Variants in SELENOT observed in about 807,000 individuals in gnomAD.
SELENOT encodes selenoprotein T.
In SELENOT, 9 loss-of-function variants were observed where a neutral mutation model predicts 24.3. The observed-to-expected ratio is 0.37, with a 90% confidence interval of 0.22 to 0.65. The LOEUF (loss-of-function observed/expected upper bound fraction) is 0.65, where lower values mean the gene tolerates loss of function less well. Among genes scored for constraint, SELENOT ranks in the 30% least tolerant of loss-of-function variants. The pLI is 0.60. For missense variants in SELENOT, 166 were observed against 247.6 expected (o/e 0.67, Z 2.21); for synonymous variants, 81 against 86.0 (o/e 0.94, Z 0.32).
At chr3:150,603,566 G>T in intron 1 of SELENOT, 67 bp downstream of exon 1, 2 of 1,479,498 alleles carry the variant, frequency 1.4e-6, no homozygotes, top group Non-Finnish European at 1.8e-6. Flanking sequence ...GCTACGCGAG[G>T]CCCCGGCTTC....
chr3:150,605,492 G>C (rs555673517), intron 1 of SELENOT, among the ~76,000 whole-genome samples: 4 of 151,828 alleles, frequency 2.6e-5, no homozygotes, highest in Non-Finnish European at 5.9e-5. Flanking sequence ...TTGATACTTT[G>C]TTTTTCTTTG....
chr3:150,627,518 A>G (rs1726469456), intron 5 of SELENOT, 141 bp from the exon 6 acceptor site: 1 of 158,520 alleles, frequency 6.3e-6, no homozygotes, highest in Non-Finnish European at 1.4e-5. Flanking sequence ...AACATACTCA[A>G]GATAAAAAAT....
intron 1 of SELENOT, among the ~76,000 whole-genome samples, chr3:150,610,653 T>A (rs192560629): frequency 6.6e-6 from 1 of 152,364 alleles, no homozygotes; most frequent in East Asian, 1.9e-4. Context: ...CTTATAATTG[T>A]TCCCCAGGGT....
rs554877560 is a variant in SELENOT, at chr3:150,604,208, A to G, written c.137+709A>G. 3.3e-5 allele frequency among the ~76,000 whole-genome samples: 5 copies of G among 152,294 alleles called. No individual in the cohort carries two copies. The East Asian group carries it at 7.7e-4, about 23-fold the overall frequency. On this transcript the variant is annotated intron_variant, in intron 1 of 5. Transcript: ENST00000471696. ...CCTCCCAGGAGTTGCCTGCTCTGGC[A>G]TCTCTTTCTACCTTTCAGTTGTCTT...
chr3:150,611,850 C>T, intron 1 of SELENOT: 2 of 941,040 alleles, frequency 2.1e-6, no homozygotes, highest in African/African-American at 1.7e-5. Context: ...CTGCCGCCTC[C>T]CCACTGCCCA....
intron 4 of SELENOT, among the ~76,000 whole-genome samples, chr3:150,626,409 G>T (rs1726446180): frequency 1.3e-5 from 2 of 152,092 alleles, no homozygotes; most frequent in African/African-American, 2.4e-5. Flanking sequence ...CTTGTGTATT[G>T]TTACAGCTGC....
chr3:150,609,884 G>C (rs1426482289), intron 1 of SELENOT, among the ~76,000 whole-genome samples: 1 of 152,098 alleles, frequency 6.6e-6, no homozygotes, highest in Non-Finnish European at 1.5e-5. Flanking sequence ...CCTAGATTTT[G>C]TCATTAGGTT....
At chr3:150,608,588 C>T (rs954064622) in intron 1 of SELENOT, among the ~76,000 whole-genome samples, 13 of 151,772 alleles carry the variant, frequency 8.6e-5, no homozygotes, top group Admixed American at 2.6e-4. Context: ...GGCAACATAG[C>T]GAGACTTTGT....
Position 150,622,487 on chromosome 3 carries a change from A to C in SELENOT, c.240A>C (p.Pro80=). The C allele has an allele frequency of 2.1e-6, 3 of 1,422,760 alleles. No homozygotes were observed. The highest frequency in any genetic ancestry group is 2.8e-6 in the Non-Finnish European group (3 of 1,062,056). 88.1% of individuals were successfully genotyped at this position (1,422,760 alleles called of 1,614,324 possible). A position where few individuals can be genotyped will look rare whatever the true frequency, so the allele number is the denominator to read the frequency against. ...RIEGENYLPQ[P]IYRHIASFLS... Reference sequence around the variant, plus strand: ...AAGGAGAGAATTACCTCCCTCAACCAATATATAGGTAAGAAATTTTAATAA... The same window carrying C: ...AAGGAGAGAATTACCTCCCTCAACCCATATATAGGTAAGAAATTTTAATAA... The change falls in exon 2 of 6, where the codon CCA becomes CCC. Residue 80 remains proline (P), a synonymous_variant. Transcript: ENST00000471696.
At chr3:150,616,812 T>C (rs1726228156) in intron 1 of SELENOT, among the ~76,000 whole-genome samples, 1 of 152,262 alleles carries the variant, frequency 6.6e-6, no homozygotes, top group South Asian at 2.1e-4. Flanking sequence ...AGCTAATTTT[T>C]GTATTTCTTG....
At chr3:150,606,764 T>C (rs1034214728) in intron 1 of SELENOT, among the ~76,000 whole-genome samples, 5 of 152,102 alleles carry the variant, frequency 3.3e-5, no homozygotes, top group African/African-American at 1.2e-4. Context: ...GGCTAATTTT[T>C]GTATTTTTAG....
rs1351444061 is a variant in SELENOT, at chr3:150,622,474, A to G, written c.227A>G (p.Tyr76Cys). The G allele has an allele frequency of 6.7e-7, 1 of 1,482,636 alleles. No homozygotes were observed. Among genetic ancestry groups the G allele is most frequent in the Non-Finnish European group, 9.1e-7 (1 of 1,101,192 alleles). The allele number at this position is 1,482,636 out of a possible 1,614,324, so 91.8% of individuals were successfully genotyped here. ...YPDIRIEGENYLPQPIYRHIA... is the reference protein window; with the variant it reads ...YPDIRIEGENCLPQPIYRHIA... ...GACATCCGCATTGAAGGAGAGAATT[A>G]CCTCCCTCAACCAATATATAGGTAA... The change falls in exon 2 of 6, where the codon TAC (tyrosine) becomes TGC (cysteine). Residue 76 changes from tyrosine (Y) to cysteine (C), a missense_variant. Tyr to Cys is a radical substitution (Grantham distance 194, BLOSUM62 -2). Coordinates refer to ENST00000471696, the MANE Select transcript of SELENOT (RefSeq NM_016275.5).
chr3:150,617,793 CTG>C (rs1407494273), intron 1 of SELENOT, among the ~76,000 whole-genome samples: 1 of 146,770 alleles, frequency 6.8e-6, no homozygotes, highest in East Asian at 2.0e-4. Context: ...CAAAAAAAAA[CTG>C]AGCACGCTTT....
At chr3:150,603,602 T>A (rs1559894145) in intron 1 of SELENOT, 103 bp downstream of exon 1, 2 of 1,325,136 alleles carry the variant, frequency 1.5e-6, no homozygotes, top group South Asian at 1.5e-5. Context: ...GCATCTTCGC[T>A]GGCCTCGTAG....
intron 1 of SELENOT, among the ~76,000 whole-genome samples, chr3:150,619,785 A>G (rs1726299021): frequency 6.6e-6 from 1 of 152,194 alleles, no homozygotes; most frequent in Admixed American, 6.5e-5. Context: ...CCACCTTGGT[A>G]TGTTACATTT....
At chr3:150,618,700 T>C (rs1726271486) in intron 1 of SELENOT, 1 of 154,062 alleles carries the variant, frequency 6.5e-6, no homozygotes, top group Non-Finnish European at 1.5e-5. Flanking sequence ...TTTTTCTTTT[T>C]TTTTGTAGAG....
rs1400262669 is a variant in SELENOT at position 150,622,486 on chromosome 3, C to G, written c.239C>G (p.Pro80Arg). The change falls in exon 2 of 6, where the codon CCA becomes CGA. Residue 80 changes from proline to arginine, a missense_variant. Pro to Arg is a moderately radical substitution (Grantham distance 103, BLOSUM62 -2). Coordinates refer to ENST00000471696, the MANE Select transcript of SELENOT (RefSeq NM_016275.5). The part of the protein sequence containing the change: ...RIEGENYLPQ[P>R]IYRHIASFLS... ...GAAGGAGAGAATTACCTCCCTCAAC[C>G]AATATATAGGTAAGAAATTTTAATA... The G allele has an allele frequency of 6.9e-7, 1 of 1,452,536 alleles. No homozygotes were observed. Among genetic ancestry groups the G allele is most frequent in the African/African-American group, 1.4e-5 (1 of 70,376 alleles). 90.0% of individuals were successfully genotyped at this position (1,452,536 alleles called of 1,614,324 possible).
In SELENOT at chr3:150,603,469, C is replaced by T; in HGVS notation, c.107C>T (p.Ala36Val). 1 of 1,609,274 alleles carries T rather than the reference C, an allele frequency of 6.2e-7. No individual in the cohort carries two copies. Among genetic ancestry groups the T allele is most frequent in the South Asian group, 1.1e-5 (1 of 90,802 alleles). The change falls in exon 1 of 6, where the codon GCC (alanine) becomes GTC (valine). Residue 36 changes from alanine to valine, a missense_variant. Transcript: ENST00000471696. ...VPSKRLKMQYATGPLLKFQIC... is the reference protein window; with the variant it reads ...VPSKRLKMQYVTGPLLKFQIC... ...AGCAAGAGATTAAAGATGCAGTACG[C>T]CACGGGGCCGCTGCTCAAGTTCCAG... is the stretch of plus-strand genomic sequence containing the variant.
intron 1 of SELENOT, among the ~76,000 whole-genome samples, chr3:150,616,296 A>G (rs1304507648): frequency 2.9e-5 from 4 of 139,628 alleles, no homozygotes; most frequent in African/African-American, 1.1e-4. Context: ...ATGGGCAAGG[A>G]CTTCATGTCT....
Sources: allele counts gnomAD v4.1 joint callset (sites outside exome capture counted in the v4.1 genomes callset), GRCh38; gene constraint gnomAD v4.1.1; transcripts MANE v1.5; gene names NCBI Gene and HGNC (gene_info 2026-07-23, HGNC 2026-07-21).